The following CHST9 variants were observed in gnomAD, a reference collection of about 807,000 sequenced individuals.
The protein encoded by CHST9 is carbohydrate sulfotransferase 9.
CHST9 carries 41 observed loss-of-function variants against 44.4 expected under a neutral mutation model. The ratio of observed to expected loss-of-function variants is 0.92; its 90% CI spans 0.72 to 1.20. CHST9 has a LOEUF of 1.20. CHST9 is among the 50% of genes most tolerant of loss of function. CHST9 has a pLI of 0.00. For missense variants in CHST9, 504 were observed against 516.5 expected (o/e 0.98, Z 0.23); for synonymous variants, 171 against 178.4 (o/e 0.96, Z 0.33).
At position 26,914,273 on chromosome 18, in the gene CHST9, TTGTC is replaced by T. The variant is rs2055481073; in HGVS notation, c.*1982_*1985del. 6.6e-6 allele frequency: 1 copy of T among 152,224 alleles called. No homozygotes were observed. The highest frequency in any genetic ancestry group is 6.5e-5 in the Admixed American group (1 of 15,280). The allele number at this position is 152,224 out of a possible 1,614,324, so 9.4% of individuals were successfully genotyped here. A position where few individuals can be genotyped will look rare whatever the true frequency, so the allele number is the denominator to read the frequency against. The stretch of plus-strand genomic sequence containing the variant: ...TCCTTCTAAAGCTATTGAAAGTTCT[TTGTC>T]TGTTCCTTATATAGTTTTAGGAATA... On this transcript the variant is annotated 3_prime_UTR_variant, in exon 6 of 6. Transcript: ENST00000618847.
intron 2 of CHST9, among the ~76,000 whole-genome samples, chr18:27,133,467 C>G (rs2058488907): frequency 6.6e-6 from 1 of 152,040 alleles, no homozygotes; most frequent in Admixed American, 6.5e-5. Flanking sequence ...AAGACAGAGC[C>G]CACAGAGTTG....
At position 26,916,521 on chromosome 18, in the gene CHST9, C is replaced by CA. The variant is rs1287341110; in HGVS notation, c.1069dup (p.Cys357LeufsTer9). The stretch of plus-strand genomic sequence containing the variant: ...ATCATAGTTGATCAAACACGGATAG[C>CA]AGAGTTTGCTGACCTTTTCCCAGTG... On this transcript the variant is annotated frameshift_variant, in exon 6 of 6. Coordinates refer to ENST00000618847, the MANE Select transcript of CHST9 (RefSeq NM_031422.6). LOFTEE classifies it high-confidence loss of function. 1 of 1,613,836 alleles carries CA rather than the reference C, an allele frequency of 6.2e-7. No homozygotes were observed. Among genetic ancestry groups the CA allele is most frequent in the African/African-American group, 1.3e-5 (1 of 75,012 alleles).
intron 4 of CHST9, among the ~76,000 whole-genome samples, chr18:26,985,550 C>CT (rs2056744709): frequency 1.3e-5 from 2 of 152,154 alleles, no homozygotes; most frequent in South Asian, 4.1e-4. Context: ...CCAGAAGACT[C>CT]TTTGAGTTTA....
At position 27,141,727 on chromosome 18, in the gene CHST9, A is replaced by G. The variant is rs74886390; in HGVS notation, c.121+962T>C. Reference sequence around the variant, plus strand: ...TTTGGAGAAGATTCTTAAGGGTTTTATATCTAGAATAACTTAAAAAAAAAA... The same window carrying G: ...TTTGGAGAAGATTCTTAAGGGTTTTGTATCTAGAATAACTTAAAAAAAAAA... On this transcript the variant is annotated intron_variant, in intron 2 of 5. Coordinates refer to ENST00000618847, the MANE Select transcript of CHST9 (RefSeq NM_031422.6). Among the ~76,000 whole-genome samples, 397 of 147,926 alleles carry G rather than the reference A, an allele frequency of 2.7e-3. 13 individuals carry two copies. The East Asian group carries it at 0.071, about 27-fold the overall frequency.
rs2058169934 is a variant in CHST9 at position 27,101,401 on chromosome 18, C to T, written c.121+41288G>A. On this transcript the variant is annotated intron_variant, in intron 2 of 5. Coordinates refer to ENST00000618847, the MANE Select transcript of CHST9 (RefSeq NM_031422.6). ...GGTCAGGAGATCAAGACCATACTGG[C>T]TAACACGGTGAAACCCCCTCTCTAC... Among the ~76,000 whole-genome samples, 6 of 150,870 alleles carry T rather than the reference C, an allele frequency of 4.0e-5. No individual in the cohort carries two copies. The South Asian group carries it at 1.3e-3, about 32-fold the overall frequency.
At chr18:27,169,261 A>G (rs184252431) in intron 1 of CHST9, among the ~76,000 whole-genome samples, 58 of 152,334 alleles carry the variant, frequency 3.8e-4, no homozygotes, top group African/African-American at 1.3e-3. Context: ...GAAAACTAAT[A>G]CAAGAGGTCT....
intron 2 of CHST9, among the ~76,000 whole-genome samples, chr18:27,064,631 A>C (rs1393685684): frequency 6.6e-6 from 1 of 152,244 alleles, no homozygotes; most frequent in East Asian, 1.9e-4. Flanking sequence ...ATGACAACAT[A>C]AACATTTGAA....
intron 1 of CHST9, among the ~76,000 whole-genome samples, chr18:27,182,426 T>A (rs1468364953): frequency 6.6e-6 from 1 of 152,212 alleles, no homozygotes; most frequent in East Asian, 1.9e-4. Flanking sequence ...TTCCTGATAA[T>A]CTTCAAGTAC....
intron 1 of CHST9, among the ~76,000 whole-genome samples, chr18:27,160,344 C>T (rs182754011): frequency 4.1e-4 from 63 of 152,260 alleles, no homozygotes; most frequent in African/African-American, 1.2e-3. Context: ...TGTCGAAGGC[C>T]TTTTCTGCAT....
At chr18:26,923,145 A>G (rs761766688) in intron 5 of CHST9, among the ~76,000 whole-genome samples, 8 of 152,198 alleles carry the variant, frequency 5.3e-5, no homozygotes, top group Non-Finnish European at 1.2e-4. Context: ...GTATTCTCAT[A>G]GGGAAAAGTA....
intron 4 of CHST9, among the ~76,000 whole-genome samples, chr18:26,955,528 A>C (rs2056310470): frequency 6.6e-6 from 1 of 152,282 alleles, no homozygotes; most frequent in South Asian, 2.1e-4. Context: ...GTAGCAAGGA[A>C]GCCTTGGGTA....
intron 3 of CHST9, among the ~76,000 whole-genome samples, chr18:27,027,731 T>G (rs893819684): frequency 6.6e-6 from 1 of 152,116 alleles, no homozygotes; most frequent in Non-Finnish European, 1.5e-5. Flanking sequence ...TTTCCAGTTC[T>G]GCATTTTCTT....
At chr18:27,044,924 T>G (rs2057482456) in intron 3 of CHST9, among the ~76,000 whole-genome samples, 1 of 151,950 alleles carries the variant, frequency 6.6e-6, no homozygotes, top group Non-Finnish European at 1.5e-5. Flanking sequence ...CCATTGCTGT[T>G]GTAGAACATT....
chr18:27,182,239 T>C (rs1446384464), intron 1 of CHST9, among the ~76,000 whole-genome samples: 1 of 152,234 alleles, frequency 6.6e-6, no homozygotes, highest in Non-Finnish European at 1.5e-5. Flanking sequence ...TCTTATGTAA[T>C]ATCCAAAGGT....
chr18:27,128,308 C>T (rs775404273), intron 2 of CHST9, among the ~76,000 whole-genome samples: 5 of 152,148 alleles, frequency 3.3e-5, no homozygotes, highest in African/African-American at 9.7e-5. Flanking sequence ...CTTGCTCTGT[C>T]GCCCAGGCTG....
intron 2 of CHST9, among the ~76,000 whole-genome samples, chr18:27,103,879 C>T (rs1485908663): frequency 6.6e-6 from 1 of 152,062 alleles, no homozygotes; most frequent in Non-Finnish European, 1.5e-5. Flanking sequence ...TACAGAGAAG[C>T]AAGAGGTTCA....
At chr18:27,151,675 G>A (rs939820524) in intron 1 of CHST9, among the ~76,000 whole-genome samples, 2 of 152,150 alleles carry the variant, frequency 1.3e-5, no homozygotes, top group African/African-American at 2.4e-5. Context: ...TATTAAGAAC[G>A]ACTGGAATCA....
chr18:27,041,331 C>T (rs529102421), intron 3 of CHST9, among the ~76,000 whole-genome samples: 2 of 152,196 alleles, frequency 1.3e-5, no homozygotes, highest in African/African-American at 2.4e-5. Context: ...TTGGCTAACA[C>T]CAACTATGAA....
chr18:26,916,402 C>A lies in CHST9; in HGVS notation c.1189G>T (p.Asp397Tyr). ...GTTCTTTCATCGGAAGAGTGCCTATCCTTAAAGTTGGGAAATTTCAGCTCC... is the reference window on the plus strand; with the variant it reads ...GTTCTTTCATCGGAAGAGTGCCTATACTTAAAGTTGGGAAATTTCAGCTCC... ...PKELKFPNFK[D>Y]RHSSDERTNA... The change falls in exon 6 of 6, where the codon GAT becomes TAT. Residue 397 changes from aspartate (D) to tyrosine (Y), a missense_variant. Coordinates refer to ENST00000618847, the MANE Select transcript of CHST9 (RefSeq NM_031422.6). 6.2e-7 allele frequency: 1 copy of A among 1,613,770 alleles called. No individual in the cohort carries two copies. The highest frequency in any genetic ancestry group is 8.5e-7 in the Non-Finnish European group (1 of 1,179,730).
Sources: gnomAD v4.1 joint callset for allele counts (sites outside exome capture counted in the v4.1 genomes callset) on GRCh38, gnomAD v4.1.1 for gene constraint, MANE v1.5 for transcripts, NCBI Gene and HGNC (gene_info 2026-07-23, HGNC 2026-07-21) for gene names.